VDR: variants seen among roughly 807,000 people sequenced by gnomAD.
VDR encodes the protein vitamin D receptor.
Under a neutral mutation model 39.7 loss-of-function variants are expected in VDR, and 19 were observed. That is an observed-to-expected ratio of 0.48 (90% confidence interval 0.33 to 0.70). The LOEUF is 0.70. Ranked by LOEUF, VDR falls within the 30% of genes least tolerant of loss-of-function variation. The pLI is 0.02. For synonymous variants in VDR, 242 were observed against 215.8 expected (o/e 1.12, Z -1.07); for missense variants, 442 against 570.5 (o/e 0.77, Z 2.29).
intron 4 of VDR, among the ~76,000 whole-genome samples, 168 bp from the exon 5 acceptor site, chr12:47,857,856 TG>T (rs11574084): frequency 6.6e-6 from 1 of 151,718 alleles, no homozygotes; most frequent in Admixed American, 6.6e-5. Flanking sequence ...GAAGAAAAAT[TG>T]GGTTTGCTAT....
At chr12:47,888,167 A>G (rs1946295309) in intron 1 of VDR, among the ~76,000 whole-genome samples, 1 of 152,100 alleles carries the variant, frequency 6.6e-6, no homozygotes, top group African/African-American at 2.4e-5. Context: ...CCCCTGCTAA[A>G]CCCATCAGAT....
Position 47,847,473 on chromosome 12 carries a change from C to T in VDR, c.756-665G>A, listed in dbSNP as rs1035103003. On this transcript the variant is annotated intron_variant, in intron 7 of 9. Transcript: ENST00000549336. ...AGGCCCACACTCCCTAACTTGGCTC[C>T]AACCTCTCATTCCAACTCCCTTTCC... Among the ~76,000 whole-genome samples, 69 of 152,292 alleles carry T rather than the reference C, an allele frequency of 4.5e-4. 1 individual carries two copies. The highest frequency in any genetic ancestry group is 1.2e-4 in the Non-Finnish European group (8 of 68,034).
At chr12:47,893,381 C>A (rs1946406540) in intron 1 of VDR, among the ~76,000 whole-genome samples, 2 of 151,922 alleles carry the variant, frequency 1.3e-5, no homozygotes, top group Admixed American at 1.3e-4. Flanking sequence ...AGATCCTTAA[C>A]CCTGAGAAGA....
chr12:47,900,913 T>A (rs1946546086), intron 1 of VDR, among the ~76,000 whole-genome samples: 1 of 152,190 alleles, frequency 6.6e-6, no homozygotes, highest in Admixed American at 6.5e-5. Flanking sequence ...TTGTATGGCA[T>A]CTGGTTCTGG....
In VDR at chr12:47,877,851, T is replaced by C. The variant is rs2525043; in HGVS notation, c.146+1117A>G. ...GCCGGGAAGCCAAGCGGGCAGCCAG[T>C]GCCAGGCCAAACAGGCAATTAGCAC... On this transcript the variant is annotated intron_variant, in intron 3 of 9. Coordinates refer to ENST00000549336, the MANE Select transcript of VDR (RefSeq NM_000376.3). Among the ~76,000 whole-genome samples, 1,107 of 152,290 alleles carry C rather than the reference T, an allele frequency of 7.3e-3. 21 individuals are homozygous for C. Among genetic ancestry groups the C allele is most frequent in the African/African-American group, 0.026 (1,075 of 41,546 alleles).
intron 7 of VDR, among the ~76,000 whole-genome samples, chr12:47,847,884 AG>A (rs1945308968): frequency 6.6e-6 from 1 of 152,216 alleles, no homozygotes; most frequent in South Asian, 2.1e-4. Flanking sequence ...CTGGGACTAC[AG>A]GTGCACACCA....
At chr12:47,893,795 C>T (rs1946414438) in intron 1 of VDR, among the ~76,000 whole-genome samples, 1 of 152,234 alleles carries the variant, frequency 6.6e-6, no homozygotes, top group Non-Finnish European at 1.5e-5. Flanking sequence ...AAACAACACT[C>T]ACCACAGACG....
chr12:47,849,943 C>T (rs1375542028), intron 7 of VDR, among the ~76,000 whole-genome samples: 5 of 152,012 alleles, frequency 3.3e-5, no homozygotes, highest in South Asian at 2.1e-4. Context: ...CTCTGCCTCC[C>T]GGGTTCAGGC....
At chr12:47,851,414 C>T (rs925657359) in intron 7 of VDR, among the ~76,000 whole-genome samples, 4 of 152,144 alleles carry the variant, frequency 2.6e-5, no homozygotes, top group African/African-American at 9.7e-5. Flanking sequence ...ACACCAAGAA[C>T]AGCCCATCCA....
intron 4 of VDR, among the ~76,000 whole-genome samples, chr12:47,862,702 A>C (rs1945649944): frequency 6.6e-6 from 1 of 152,048 alleles, no homozygotes; most frequent in African/African-American, 2.4e-5. Flanking sequence ...ATATTGAGAC[A>C]CTCAATTGTC....
At chr12:47,870,547 T>C (rs1421121508) in intron 3 of VDR, among the ~76,000 whole-genome samples, 1 of 152,120 alleles carries the variant, frequency 6.6e-6, no homozygotes, top group African/African-American at 2.4e-5. Flanking sequence ...AGAGAGGACA[T>C]TGACCGATTC....
chr12:47,847,973 C>T (rs898621715), intron 7 of VDR, among the ~76,000 whole-genome samples: 10 of 151,962 alleles, frequency 6.6e-5, no homozygotes, highest in Non-Finnish European at 1.5e-4. Flanking sequence ...GATCTCGGCT[C>T]ACTGCAAGCT....
chr12:47,874,276 A>C (rs1206835227), intron 3 of VDR, among the ~76,000 whole-genome samples: 1 of 152,222 alleles, frequency 6.6e-6, no homozygotes, highest in Non-Finnish European at 1.5e-5. Context: ...AGCAACACTG[A>C]CTTCTTGGTC....
At chr12:47,883,360 C>T (rs201982703) in intron 1 of VDR, among the ~76,000 whole-genome samples, 2 of 152,114 alleles carry the variant, frequency 1.3e-5, no homozygotes, top group East Asian at 3.9e-4. Flanking sequence ...CTGTGGAGAC[C>T]GGGTGTAGGC....
At chr12:47,888,709 C>T (rs1009075982) in intron 1 of VDR, among the ~76,000 whole-genome samples, 3 of 152,054 alleles carry the variant, frequency 2.0e-5, no homozygotes, top group Non-Finnish European at 2.9e-5. Flanking sequence ...ACTGAAGAAA[C>T]GGAGGCCGTG....
chr12:47,857,916 G>C (rs1210276200), intron 4 of VDR, among the ~76,000 whole-genome samples: 4 of 152,152 alleles, frequency 2.6e-5, no homozygotes, highest in Non-Finnish European at 5.9e-5. Flanking sequence ...GATTTGAGAG[G>C]GGGGATGATC....
In VDR at chr12:47,846,381, A is replaced by G; in HGVS notation, c.978T>C (p.His326=). 1 of 1,594,920 alleles carries G rather than the reference A, an allele frequency of 6.3e-7. No individual in the cohort carries two copies. The highest frequency in any genetic ancestry group is 8.5e-7 in the Non-Finnish European group (1 of 1,171,042). The change falls in exon 9 of 10, where the codon CAT becomes CAC. Residue 326 remains histidine (H), a synonymous_variant. Coordinates refer to ENST00000549336, the MANE Select transcript of VDR (RefSeq NM_000376.3). ...CCATGAGCAGGACATGCTCCTCCTC[A>G]TGCAAGTTCAGCTTCTTCAGTCCCA... is the stretch of plus-strand genomic sequence containing the variant. ...FQVGLKKLNL[H]EEEHVLLMAI...
chr12:47,871,931 C>T (rs1393564043), intron 3 of VDR, among the ~76,000 whole-genome samples: 1 of 152,258 alleles, frequency 6.6e-6, no homozygotes, highest in Admixed American at 6.5e-5. Flanking sequence ...CACACACACA[C>T]ATATGCACTT....
chr12:47,844,592 G>A lies in VDR; in HGVS notation c.*154C>T. On this transcript the variant is annotated 3_prime_UTR_variant, in exon 10 of 10. Coordinates refer to ENST00000549336, the MANE Select transcript of VDR (RefSeq NM_000376.3). ...GCAGGAAAGGGGTTAGGTTGGACAG[G>A]AGAGAGAATGGGCTGGGTGGATAGG... The A allele has an allele frequency of 9.7e-7, 1 of 1,025,898 alleles. No homozygotes were observed. The highest frequency in any genetic ancestry group is 2.2e-5 in the Admixed American group (1 of 46,014). 63.5% of individuals were successfully genotyped at this position (1,025,898 alleles called of 1,614,324 possible). A position where few individuals can be genotyped will look rare whatever the true frequency, so the allele number is the denominator to read the frequency against.
Sources: gnomAD v4.1 joint callset for allele counts (sites outside exome capture counted in the v4.1 genomes callset) on GRCh38, gnomAD v4.1.1 for gene constraint, MANE v1.5 for transcripts, NCBI Gene and HGNC (gene_info 2026-07-23, HGNC 2026-07-21) for gene names.